ERBB4: variants seen among roughly 807,000 people sequenced by gnomAD.
The protein encoded by ERBB4 is erb-b2 receptor tyrosine kinase 4, also known as receptor tyrosine-protein kinase erbB-4.
A neutral mutation model predicts 158.0 loss-of-function variants in ERBB4; 42 were observed. That is an observed-to-expected ratio of 0.27 (90% CI 0.21 to 0.34). The LOEUF is 0.34. Ranked by LOEUF, ERBB4 falls within the 10% of genes least tolerant of loss-of-function variation. The probability of loss-of-function intolerance (pLI) is 1.00; values close to 1 mark genes in which losing one functional copy is unlikely to be tolerated. For missense variants in ERBB4, 1,333 were observed against 1,624.1 expected (o/e 0.82, Z 3.08); for synonymous variants, 583 against 558.7 (o/e 1.04, Z -0.61).
At chr2:212,376,765 T>C (rs1398003923) in intron 1 of ERBB4, among the ~76,000 whole-genome samples, 2 of 152,048 alleles carry the variant, frequency 1.3e-5, no homozygotes, top group African/African-American at 4.8e-5. Context: ...TCTGGTATCA[T>C]CATTTACAAA....
intron 1 of ERBB4, among the ~76,000 whole-genome samples, chr2:212,394,586 G>A (rs1163551104): frequency 6.6e-6 from 1 of 151,940 alleles, no homozygotes; most frequent in African/African-American, 2.4e-5. Flanking sequence ...TTGAATTAGA[G>A]ATCAGAAAAG....
rs573147524 is a variant in ERBB4, at chr2:211,479,867, T to C, written c.2488-48767A>G. 7.2e-5 allele frequency among the ~76,000 whole-genome samples: 11 copies of C among 152,268 alleles called. 1 individual carries two copies. In the South Asian group the frequency reaches 2.3e-3, roughly 32 times the overall value. On this transcript the variant is annotated intron_variant, in intron 20 of 27. Coordinates refer to ENST00000342788, the MANE Select transcript of ERBB4 (RefSeq NM_005235.3). ...GATGAGAAAAAAGCTATGACAACATTTGCTGTACAAATCTCATATAATTAA... is the reference window on the plus strand; with the variant it reads ...GATGAGAAAAAAGCTATGACAACATCTGCTGTACAAATCTCATATAATTAA...
At chr2:212,036,372 AC>A (rs1171050433) in intron 2 of ERBB4, among the ~76,000 whole-genome samples, 2 of 152,050 alleles carry the variant, frequency 1.3e-5, no homozygotes, top group Admixed American at 1.3e-4. Flanking sequence ...TTTTTTTTTA[AC>A]CCTTCTTTAT....
At chr2:211,657,175 G>T (rs908102871) in intron 16 of ERBB4, among the ~76,000 whole-genome samples, 3 of 151,460 alleles carry the variant, frequency 2.0e-5, no homozygotes, top group African/African-American at 4.9e-5. Context: ...TCTATTAAAG[G>T]TATATATTAA....
Position 212,142,296 on chromosome 2 carries a change from T to C in ERBB4, c.83-17393A>G, listed in dbSNP as rs376754908. On this transcript the variant is annotated intron_variant, in intron 1 of 27. Coordinates refer to ENST00000342788, the MANE Select transcript of ERBB4 (RefSeq NM_005235.3). ...TCTGTTTTGTTCATTACTATATTTA[T>C]AGCATTTGGAAGTACTTGACCCATA... Among the ~76,000 whole-genome samples, 17 of 152,210 alleles carry C rather than the reference T, an allele frequency of 1.1e-4. No individual in the cohort carries two copies. The East Asian group carries it at 3.1e-3, about 28-fold the overall frequency.
At chr2:212,287,211 C>T (rs753647467) in intron 1 of ERBB4, among the ~76,000 whole-genome samples, 7 of 152,012 alleles carry the variant, frequency 4.6e-5, no homozygotes, top group Non-Finnish European at 1.0e-4. Context: ...TTCATACTTT[C>T]TCTAATAAAT....
intron 1 of ERBB4, among the ~76,000 whole-genome samples, chr2:212,293,864 A>AAC (rs1422053122): frequency 8.6e-5 from 13 of 150,356 alleles, no homozygotes; most frequent in South Asian, 6.3e-4. Flanking sequence ...AAAAACAAAA[A>AAC]AAAAAAAAAC....
intron 7 of ERBB4, among the ~76,000 whole-genome samples, chr2:211,716,285 C>G (rs921115623): frequency 6.9e-6 from 1 of 144,154 alleles, no homozygotes; most frequent in Non-Finnish European, 1.5e-5. Context: ...TTGCTTGAAC[C>G]CGGGAGGTGG....
In ERBB4 at chr2:211,510,607, G is replaced by GA. The variant is rs548036581; in HGVS notation, c.2487+51295_2487+51296insT. ...ATCATTCAAAATACTCAGAATTCAT[G>GA]GATCTTTTCAGATGTGATTATCTTG... On this transcript the variant is annotated intron_variant, in intron 20 of 27. Coordinates refer to ENST00000342788, the MANE Select transcript of ERBB4 (RefSeq NM_005235.3). 3.1e-3 allele frequency among the ~76,000 whole-genome samples: 470 copies of GA among 151,956 alleles called. 4 individuals carry two copies. The highest frequency in any genetic ancestry group is 0.011 in the African/African-American group (442 of 41,482).
intron 13 of ERBB4, among the ~76,000 whole-genome samples, chr2:211,677,432 C>T (rs1157440900): frequency 2.0e-5 from 3 of 151,882 alleles, no homozygotes; most frequent in African/African-American, 4.8e-5. Context: ...GGCATGGTGG[C>T]GGGCACCTGT....
intron 1 of ERBB4, among the ~76,000 whole-genome samples, chr2:212,493,232 T>C (rs1690375877): frequency 6.6e-6 from 1 of 151,500 alleles, no homozygotes; most frequent in African/African-American, 2.4e-5. Flanking sequence ...TCGCTATGTA[T>C]ACACAACACA....
chr2:212,368,175 C>A (rs573954009), intron 1 of ERBB4, among the ~76,000 whole-genome samples: 1 of 152,140 alleles, frequency 6.6e-6, no homozygotes, highest in African/African-American at 2.4e-5. Context: ...TGGAAGCAAC[C>A]CAAATGCCCA....
At chr2:212,315,697 A>G (rs964651051) in intron 1 of ERBB4, among the ~76,000 whole-genome samples, 4 of 151,582 alleles carry the variant, frequency 2.6e-5, no homozygotes, top group African/African-American at 4.8e-5. Flanking sequence ...TGTCACTTCC[A>G]GTTCACACAA....
intron 2 of ERBB4, among the ~76,000 whole-genome samples, chr2:212,116,358 T>A (rs557788615): frequency 4.6e-5 from 7 of 152,304 alleles, no homozygotes; most frequent in Admixed American, 3.3e-4. Context: ...CAGTTATACA[T>A]CTTTATCATA....
At chr2:211,386,432 A>G (rs1244985750) in intron 27 of ERBB4, among the ~76,000 whole-genome samples, 4 of 152,216 alleles carry the variant, frequency 2.6e-5, no homozygotes, top group South Asian at 2.1e-4. Context: ...TATTAGTGCC[A>G]TCAAAAGCAT....
intron 3 of ERBB4, among the ~76,000 whole-genome samples, chr2:211,837,703 T>C (rs1170272408): frequency 1.3e-5 from 2 of 152,092 alleles, no homozygotes; most frequent in Non-Finnish European, 2.9e-5. Flanking sequence ...TAATCGAGTT[T>C]GTGTGTGAAT....
intron 9 of ERBB4, among the ~76,000 whole-genome samples, chr2:211,709,272 T>TATATATATATATATATATATATAC (rs1216222413): frequency 6.4e-5 from 9 of 141,070 alleles, no homozygotes; most frequent in African/African-American, 2.5e-4. Flanking sequence ...TATATATATA[T>TATATATATATATATATATATATAC]ATACATACAT....
At chr2:211,514,646 T>C (rs901268500) in intron 20 of ERBB4, among the ~76,000 whole-genome samples, 1 of 152,132 alleles carries the variant, frequency 6.6e-6, no homozygotes, top group African/African-American at 2.4e-5. Flanking sequence ...ATATATATTA[T>C]TTTTACCTCC....
At chr2:211,730,354 C>A (rs1468800511) in intron 5 of ERBB4, among the ~76,000 whole-genome samples, 1 of 151,982 alleles carries the variant, frequency 6.6e-6, no homozygotes, top group Middle Eastern at 3.2e-3. Flanking sequence ...AGTGACAAGA[C>A]AAAAGATCTC....
Sources: allele counts gnomAD v4.1 joint callset (sites outside exome capture counted in the v4.1 genomes callset), GRCh38; gene constraint gnomAD v4.1.1; transcripts MANE v1.5; gene names NCBI Gene and HGNC (gene_info 2026-07-23, HGNC 2026-07-21).